USP49: variants seen among roughly 807,000 people sequenced by gnomAD.
The protein encoded by USP49 is ubiquitin carboxyl-terminal hydrolase 49.
USP49 carries 24 observed loss-of-function variants against 58.6 expected under a neutral mutation model. The observed-to-expected ratio is 0.41, with a 90% CI of 0.30 to 0.58. The LOEUF is 0.58. USP49 is among the 20% of genes least tolerant of loss of function. The probability of loss-of-function intolerance (pLI) is 0.30; values close to 1 mark genes in which losing one functional copy is unlikely to be tolerated. For synonymous variants in USP49, 408 were observed against 365.1 expected (o/e 1.12, Z -1.34); for missense variants, 703 against 866.1 (o/e 0.81, Z 2.36).
At chr6:41,860,297 G>C (rs1454987563) in intron 3 of USP49, among the ~76,000 whole-genome samples, 1 of 151,666 alleles carries the variant, frequency 6.6e-6, no homozygotes, top group Non-Finnish European at 1.5e-5. Flanking sequence ...GAGAGAGAGA[G>C]AGGAGGTGAG....
At position 41,798,910 on chromosome 6, in the gene USP49, G is replaced by A. The variant is rs1772942264; in HGVS notation, c.1690C>T (p.Arg564Ter). 3 of 1,610,632 alleles carry A rather than the reference G, an allele frequency of 1.9e-6. No individual in the cohort carries two copies. Among genetic ancestry groups the A allele is most frequent in the South Asian group, 1.1e-5 (1 of 90,808 alleles). ...ACGACATGGACCCCAATCTTCTCTC[G>A]ATGATTACGGCCAGACCACCTAGAA... Reference protein sequence around the residue: ...KRFRWSGRNHREKIGVHVVFD... With the variant: ...KRFRWSGRNH Residue 564 changes from arginine to a stop codon, truncating the protein, a stop_gained, in exon 7 of 8, where the codon CGA becomes TGA. Transcript: ENST00000682992. LOFTEE classifies it high-confidence loss of function.
At chr6:41,864,399 C>T (rs1283594541) in intron 3 of USP49, among the ~76,000 whole-genome samples, 1 of 151,524 alleles carries the variant, frequency 6.6e-6, no homozygotes, top group Non-Finnish European at 1.5e-5. Flanking sequence ...CCTGTCTCTA[C>T]TAAAAAAACA....
At chr6:41,813,097 A>C (rs1773287389) in intron 3 of USP49, among the ~76,000 whole-genome samples, 1 of 152,176 alleles carries the variant, frequency 6.6e-6, no homozygotes, top group Non-Finnish European at 1.5e-5. Flanking sequence ...TTTTAATTTT[A>C]ATTAATTTTA....
chr6:41,809,530 G>C (rs1015154635), intron 3 of USP49, among the ~76,000 whole-genome samples: 3 of 142,520 alleles, frequency 2.1e-5, no homozygotes, highest in African/African-American at 7.8e-5. Context: ...GTCTCAAAAA[G>C]AAAATAATAA....
chr6:41,872,496 G>A (rs566964223), intron 2 of USP49, among the ~76,000 whole-genome samples: 2 of 152,176 alleles, frequency 1.3e-5, no homozygotes, highest in African/African-American at 2.4e-5. Flanking sequence ...AGCCTTGTGT[G>A]TTATCTTTCT....
chr6:41,806,111 A>T lies in USP49; in HGVS notation c.873T>A (p.His291Gln). Residue 291 changes from histidine (H) to glutamine (Q), a missense_variant, in exon 4 of 8, where the codon CAT becomes CAA. Physicochemically the swap from His to Gln is conservative, Grantham distance 24 (BLOSUM62 0). Coordinates refer to ENST00000682992, the MANE Select transcript of USP49 (RefSeq NM_001286554.2). This position sits in a 1 kb window ranked among gnomAD's most constrained non-coding sequence, Gnocchi z 5.9. ...TCCCGTTGGTGGCTTTGGGAAACAG[A>T]TGTTCCGTTTTGGAAGGGTCAAGGT... ...FLNLDPSKTE[H>Q]LFPKATNGKT... 1 of 1,613,966 alleles carries T rather than the reference A, an allele frequency of 6.2e-7. No homozygotes were observed. The highest frequency in any genetic ancestry group is 8.5e-7 in the Non-Finnish European group (1 of 1,180,034).
At chr6:41,867,662 G>A (rs2127357771) in intron 3 of USP49, among the ~76,000 whole-genome samples, 1 of 151,876 alleles carries the variant, frequency 6.6e-6, no homozygotes, top group African/African-American at 2.4e-5. Context: ...AGAGGCAGGA[G>A]AATGGCGTGA....
At chr6:41,882,798 C>T (rs1774635554) in intron 2 of USP49, among the ~76,000 whole-genome samples, 1 of 152,160 alleles carries the variant, frequency 6.6e-6, no homozygotes, top group Admixed American at 6.5e-5. Flanking sequence ...CGTCTGTAGT[C>T]CCAGCTACTC....
intron 3 of USP49, among the ~76,000 whole-genome samples, chr6:41,832,528 C>T (rs1561912204): frequency 6.6e-6 from 1 of 152,188 alleles, no homozygotes. Flanking sequence ...AAAAAACAAG[C>T]ACGGTAAGGA....
intron 6 of USP49, among the ~76,000 whole-genome samples, 182 bp from the exon 7 acceptor site, chr6:41,799,111 TTTA>T (rs1377717522): frequency 1.3e-5 from 2 of 151,354 alleles, no homozygotes; most frequent in African/African-American, 4.9e-5. Context: ...TATTTATTTA[TTTA>T]TTTTCAGACA....
Position 41,790,092 on chromosome 6 carries a change from G to C in USP49, c.*6441C>G, listed in dbSNP as rs550271619. On this transcript the variant is annotated 3_prime_UTR_variant, in exon 8 of 8. Transcript: ENST00000682992. ...AAGGAAGCTGTAACCATACATTGAT[G>C]TTAACCTAGCATGAAGTTTATTCTT... is the stretch of plus-strand genomic sequence containing the variant. 2 of 151,954 alleles carry C rather than the reference G, an allele frequency of 1.3e-5. No homozygotes were observed. Among genetic ancestry groups the C allele is most frequent in the South Asian group, 4.1e-4 (2 of 4,826 alleles). The allele number at this position is 151,954 out of a possible 1,614,324, so 9.4% of individuals were successfully genotyped here.
rs550922090 is a variant in USP49 at position 41,791,787 on chromosome 6, A to C, written c.*4746T>G. The stretch of plus-strand genomic sequence containing the variant: ...TAATTAAAGTCATAGTCCTGGCCCA[A>C]CAGAACAGTTACTAAATGTAAGATA... On this transcript the variant is annotated 3_prime_UTR_variant, in exon 8 of 8. Coordinates refer to ENST00000682992, the MANE Select transcript of USP49 (RefSeq NM_001286554.2). The C allele has an allele frequency of 3.9e-5, 6 of 152,352 alleles. No homozygotes were observed. In the South Asian group the frequency reaches 1.2e-3, roughly 32 times the overall value. The allele number at this position is 152,352 out of a possible 1,614,324, so 9.4% of individuals were successfully genotyped here. A position where few individuals can be genotyped will look rare whatever the true frequency, so the allele number is the denominator to read the frequency against.
chr6:41,862,494 T>C (rs1210610750), intron 3 of USP49, among the ~76,000 whole-genome samples: 2 of 152,212 alleles, frequency 1.3e-5, no homozygotes, highest in Admixed American at 6.5e-5. Context: ...CCTTGTAAAA[T>C]TGATTTCTAA....
At chr6:41,836,846 GAC>G (rs1002567199) in intron 3 of USP49, among the ~76,000 whole-genome samples, 5 of 150,266 alleles carry the variant, frequency 3.3e-5, no homozygotes, top group East Asian at 1.9e-4. Flanking sequence ...ATTCAGAACA[GAC>G]ACACACACGC....
chr6:41,853,814 T>G (rs1774073917), intron 3 of USP49, among the ~76,000 whole-genome samples: 1 of 150,088 alleles, frequency 6.7e-6, no homozygotes, highest in Non-Finnish European at 1.5e-5. Flanking sequence ...CTGACCAACA[T>G]GGAGAAAGCC....
intron 2 of USP49, among the ~76,000 whole-genome samples, chr6:41,880,857 G>A (rs752183031): frequency 4.6e-5 from 7 of 152,082 alleles, no homozygotes; most frequent in Non-Finnish European, 7.3e-5. Context: ...CAGGATACGA[G>A]GGGAAGTAGA....
At chr6:41,833,809 A>G (rs1561912607) in intron 3 of USP49, among the ~76,000 whole-genome samples, 1 of 152,230 alleles carries the variant, frequency 6.6e-6, no homozygotes, top group African/African-American at 2.4e-5. Context: ...GTGATAGTAC[A>G]TTTGGAAAAC....
chr6:41,888,512 A>G (rs1774756322), intron 2 of USP49, among the ~76,000 whole-genome samples: 1 of 151,834 alleles, frequency 6.6e-6, no homozygotes, highest in Admixed American at 6.6e-5. Flanking sequence ...GGAGTACAAC[A>G]GCACGATCTC....
intron 3 of USP49, among the ~76,000 whole-genome samples, chr6:41,838,017 G>A (rs1303153158): frequency 6.6e-6 from 1 of 152,184 alleles, no homozygotes; most frequent in East Asian, 1.9e-4. Context: ...ATGTAAATTA[G>A]TTCAGCTACT....
Sources: allele counts gnomAD v4.1 joint callset (sites outside exome capture counted in the v4.1 genomes callset), GRCh38; gene constraint gnomAD v4.1.1; non-coding constraint Gnocchi (gnomAD v3.1); transcripts MANE v1.5; gene names NCBI Gene and HGNC (gene_info 2026-07-23, HGNC 2026-07-21).